The following MEOX2 variants were observed in gnomAD, a reference collection of about 807,000 sequenced individuals.
MEOX2 encodes the protein mesenchyme homeobox 2, also known as homeobox protein MOX-2.
In MEOX2, 11 loss-of-function variants were observed where a neutral mutation model predicts 27.0. The ratio of observed to expected loss-of-function variants is 0.41; its 90% CI spans 0.26 to 0.68. The LOEUF (loss-of-function observed/expected upper bound fraction) is 0.68. Among genes scored for constraint, MEOX2 ranks in the 30% least tolerant of loss-of-function variants. MEOX2 has a pLI of 0.33. For missense variants in MEOX2, 436 were observed against 385.4 expected (o/e 1.13, Z -1.10); for synonymous variants, 189 against 155.4 (o/e 1.22, Z -1.61).
chr7:15,633,136 A>G (rs1249417171), intron 1 of MEOX2, among the ~76,000 whole-genome samples: 1 of 151,894 alleles, frequency 6.6e-6, no homozygotes, highest in African/African-American at 2.4e-5. Context: ...CCTATACTAG[A>G]ACGTAAGTGT....
At chr7:15,682,681 C>G (rs12540302) in intron 1 of MEOX2, among the ~76,000 whole-genome samples, 82,958 of 151,514 alleles carry the variant, frequency 0.55, 23,224 homozygotes, top group African/African-American at 0.66. Flanking sequence ...TTAACTAAAA[C>G]TGGGCAGTTT....
In MEOX2 at chr7:15,612,086, A is replaced by C. The variant is rs1781042172; in HGVS notation, c.*301T>G. On this transcript the variant is annotated 3_prime_UTR_variant, in exon 3 of 3. Coordinates refer to ENST00000262041, the MANE Select transcript of MEOX2 (RefSeq NM_005924.5). ...AAACCGTTCATAGTTTGCTCTTGATAGCAATTTAATTTTCAGTGCAAGCAA... is the reference window on the plus strand; with the variant it reads ...AAACCGTTCATAGTTTGCTCTTGATCGCAATTTAATTTTCAGTGCAAGCAA... The C allele has an allele frequency of 5.3e-6, 2 of 376,912 alleles. No individual in the cohort carries two copies. The highest frequency in any genetic ancestry group is 8.0e-5 in the Admixed American group (2 of 24,916). The allele number at this position is 376,912 out of a possible 1,614,324, so 23.3% of individuals were successfully genotyped here. A position where few individuals can be genotyped will look rare whatever the true frequency, so the allele number is the denominator to read the frequency against.
rs775325876 is a variant in MEOX2 at position 15,686,305 on chromosome 7, G to A, written c.98C>T (p.Ser33Phe). ...SQSSLALHGR[S>F]DHMSYPELST... is the part of the protein sequence containing the mutation. ...GAGCTCGGGGTAAGACATATGGTCA[G>A]ATCTTCCATGGAGGGCGAGAGAGGA... The change falls in exon 1 of 3, where the codon TCT becomes TTT. Residue 33 changes from serine to phenylalanine, a missense_variant. Physicochemically the swap from Ser to Phe is radical, Grantham distance 155. Coordinates refer to ENST00000262041, the MANE Select transcript of MEOX2 (RefSeq NM_005924.5). The A allele has an allele frequency of 2.0e-5, 33 of 1,610,410 alleles. No homozygotes were observed. Among genetic ancestry groups the A allele is most frequent in the Non-Finnish European group, 2.8e-5 (33 of 1,178,254 alleles).
chr7:15,657,838 C>A (rs565183710), intron 1 of MEOX2, among the ~76,000 whole-genome samples: 25 of 152,216 alleles, frequency 1.6e-4, no homozygotes, highest in African/African-American at 5.8e-4. Flanking sequence ...TTATTTAAAC[C>A]TTCTGTTTCA....
Position 15,611,861 on chromosome 7 carries a change from C to T in MEOX2, c.*526G>A, listed in dbSNP as rs1173822688. 2 of 156,858 alleles carry T rather than the reference C, an allele frequency of 1.3e-5. No individual in the cohort carries two copies. The highest frequency in any genetic ancestry group is 4.8e-5 in the African/African-American group (2 of 41,468). 9.7% of individuals were successfully genotyped at this position (156,858 alleles called of 1,614,324 possible). On this transcript the variant is annotated 3_prime_UTR_variant, in exon 3 of 3. Coordinates refer to ENST00000262041, the MANE Select transcript of MEOX2 (RefSeq NM_005924.5). ...GTAATATATACAGAGTTAAAATACA[C>T]TTTTTATCCACTTGAGTGAATTCAG...
intron 1 of MEOX2, among the ~76,000 whole-genome samples, chr7:15,643,596 A>G (rs1781596569): frequency 6.6e-6 from 1 of 152,170 alleles, no homozygotes; most frequent in African/African-American, 2.4e-5. Context: ...GCTCATCCCA[A>G]GGTGTCTGTT....
chr7:15,641,396 T>G (rs531764200), intron 1 of MEOX2, among the ~76,000 whole-genome samples: 2 of 152,276 alleles, frequency 1.3e-5, no homozygotes, highest in Admixed American at 6.5e-5. Flanking sequence ...TTTTAACTGT[T>G]GTTGGTTTGA....
At chr7:15,662,273 C>T (rs1206075673) in intron 1 of MEOX2, among the ~76,000 whole-genome samples, 1 of 151,876 alleles carries the variant, frequency 6.6e-6, no homozygotes, top group Non-Finnish European at 1.5e-5. Context: ...ATATTAATGT[C>T]ATACATAATA....
At chr7:15,636,328 A>C (rs2115367378) in intron 1 of MEOX2, among the ~76,000 whole-genome samples, 1 of 152,140 alleles carries the variant, frequency 6.6e-6, no homozygotes, top group South Asian at 2.1e-4. Flanking sequence ...GAATTTATAA[A>C]TTGATTTTGC....
chr7:15,659,376 C>G (rs1031083715), intron 1 of MEOX2, among the ~76,000 whole-genome samples: 1 of 151,986 alleles, frequency 6.6e-6, no homozygotes, highest in Non-Finnish European at 1.5e-5. Context: ...CTTTTGCAGT[C>G]GGGTGTGTGC....
intron 1 of MEOX2, among the ~76,000 whole-genome samples, chr7:15,667,163 C>T (rs1782021187): frequency 4.0e-5 from 6 of 151,154 alleles, no homozygotes; most frequent in Admixed American, 1.3e-4. Flanking sequence ...TGGTGGCACA[C>T]GCCTGTTGTC....
intron 1 of MEOX2, among the ~76,000 whole-genome samples, chr7:15,663,098 C>T (rs6461201): frequency 0.21 from 32,458 of 152,088 alleles, 4,202 homozygotes; most frequent in East Asian, 0.4. Flanking sequence ...AGAACACTAG[C>T]GTCCCTACTG....
intron 1 of MEOX2, among the ~76,000 whole-genome samples, chr7:15,634,310 C>G (rs1781449976): frequency 6.6e-6 from 1 of 151,844 alleles, no homozygotes; most frequent in South Asian, 2.1e-4. Context: ...CAGTTCTGGG[C>G]TTTGTAGAAT....
chr7:15,632,553 G>T (rs1260899436), intron 1 of MEOX2, among the ~76,000 whole-genome samples: 1 of 151,794 alleles, frequency 6.6e-6, no homozygotes, highest in Non-Finnish European at 1.5e-5. Context: ...TGTGCAATTC[G>T]AAAACAAAAC....
At chr7:15,624,341 C>T (rs572355172) in intron 2 of MEOX2, among the ~76,000 whole-genome samples, 1 of 152,230 alleles carries the variant, frequency 6.6e-6, no homozygotes, top group Admixed American at 6.5e-5. Context: ...TCAATGAAAA[C>T]TGAACTATCT....
intron 1 of MEOX2, among the ~76,000 whole-genome samples, chr7:15,656,648 C>G (rs1781826709): frequency 6.6e-6 from 1 of 151,906 alleles, no homozygotes; most frequent in Middle Eastern, 3.4e-3. Flanking sequence ...AAACCATTAT[C>G]TTAAATATTT....
chr7:15,676,716 T>C (rs1227762742), intron 1 of MEOX2, among the ~76,000 whole-genome samples: 3 of 151,694 alleles, frequency 2.0e-5, no homozygotes, highest in Non-Finnish European at 4.4e-5. Flanking sequence ...ACTAAAAATA[T>C]AAAAATTAGC....
At position 15,667,289 on chromosome 7, in the gene MEOX2, C is replaced by CAA. The variant is rs532691969; in HGVS notation, c.517+18595_517+18596dup. Among the ~76,000 whole-genome samples the CAA allele has an allele frequency of 8.6e-4, 35 of 40,898 alleles. 1 individual carries two copies. The highest frequency in any genetic ancestry group is 2.6e-3 in the Admixed American group (6 of 2,328). The allele number at this position is 40,898 out of a possible 152,430, so 26.8% of individuals were successfully genotyped here. ...CTGGCAACAGAGTGAGACTCTGTCT[C>CAA]AAAAAAAAAAAAAAAAAAAAAAAGT... On this transcript the variant is annotated intron_variant, in intron 1 of 2. Transcript: ENST00000262041.
chr7:15,654,908 T>C (rs1583771982), intron 1 of MEOX2, among the ~76,000 whole-genome samples: 1 of 151,886 alleles, frequency 6.6e-6, no homozygotes, highest in African/African-American at 2.4e-5. Flanking sequence ...TGAAGTAAAT[T>C]GGAAAGTACT....
Sources: allele counts gnomAD v4.1 joint callset (sites outside exome capture counted in the v4.1 genomes callset), GRCh38; gene constraint gnomAD v4.1.1; transcripts MANE v1.5; gene names NCBI Gene and HGNC (gene_info 2026-07-23, HGNC 2026-07-21).